The following RARB variants were observed in gnomAD, a reference collection of about 807,000 sequenced individuals.
RARB encodes the protein retinoic acid receptor beta, also known as HBV-activated protein.
Under a neutral mutation model 51.9 loss-of-function variants are expected in RARB, and 17 were observed. The ratio of observed to expected loss-of-function variants is 0.33; its 90% CI spans 0.22 to 0.49. RARB has a LOEUF of 0.49. RARB is among the 20% of genes least tolerant of loss of function. The pLI is 0.99. For missense variants in RARB, 369 were observed against 550.8 expected (o/e 0.67, Z 3.30); for synonymous variants, 215 against 195.4 (o/e 1.10, Z -0.84).
chr3:25,467,240 G>A (rs116025029), intron 2 of RARB, among the ~76,000 whole-genome samples: 3,547 of 152,340 alleles, frequency 0.023, 142 homozygotes, highest in African/African-American at 0.08. Flanking sequence ...TGTTGTATCA[G>A]TTAGCTTCTT....
rs553135452 is a variant in RARB, at chr3:25,189,791, AGGAGAATTGGTT to A, written c.178+15218_178+15229del. Among the ~76,000 whole-genome samples the A allele has an allele frequency of 1.6e-4, 25 of 152,226 alleles. 1 individual carries two copies. The South Asian group carries it at 3.7e-3, about 23-fold the overall frequency. ...TCGCAGATACTCAGGAGGCTGAGGC[AGGAGAATTGGTT>A]GAACCCGGGAAGTAGAGTTTGCAGT... On this transcript the variant is annotated intron_variant, in intron 5 of 11. Coordinates refer to the RARB transcript ENST00000383772.
At chr3:25,446,175 T>C (rs1432602296) in intron 1 of RARB, among the ~76,000 whole-genome samples, 1 of 152,246 alleles carries the variant, frequency 6.6e-6, no homozygotes, top group Non-Finnish European at 1.5e-5. Flanking sequence ...CTTTAAAATA[T>C]TACCCACGTC....
At chr3:25,132,475 G>C (rs1699969026) in intron 4 of RARB, among the ~76,000 whole-genome samples, 1 of 151,826 alleles carries the variant, frequency 6.6e-6, no homozygotes, top group South Asian at 2.1e-4. Flanking sequence ...GCAGGAGCTA[G>C]AATCCTTATT....
At chr3:25,084,206 C>T (rs1699062863) in intron 3 of RARB, among the ~76,000 whole-genome samples, 2 of 152,174 alleles carry the variant, frequency 1.3e-5, no homozygotes, top group Admixed American at 1.3e-4. Context: ...AGGGAATCTG[C>T]TGCTTCCTGT....
chr3:25,084,283 T>C (rs566795855), intron 3 of RARB, among the ~76,000 whole-genome samples: 15 of 152,302 alleles, frequency 9.8e-5, no homozygotes, highest in East Asian at 9.6e-4. Context: ...CTCTCATGTG[T>C]TTCCCTTTCC....
chr3:24,907,784 G>T (rs1694897621), intron 2 of RARB, among the ~76,000 whole-genome samples: 2 of 151,836 alleles, frequency 1.3e-5, no homozygotes, highest in Non-Finnish European at 2.9e-5. Flanking sequence ...AAGCTAAACA[G>T]ATTTGTTTTT....
intron 5 of RARB, among the ~76,000 whole-genome samples, chr3:25,342,734 G>T (rs1476344282): frequency 6.6e-6 from 1 of 152,132 alleles, no homozygotes; most frequent in Admixed American, 6.5e-5. Context: ...ACATTTTTCT[G>T]CCTTGGTAGC....
chr3:25,004,289 A>C (rs1430023980), intron 2 of RARB, among the ~76,000 whole-genome samples: 1 of 152,196 alleles, frequency 6.6e-6, no homozygotes, highest in Admixed American at 6.6e-5. Flanking sequence ...GAGAAAAATC[A>C]AATAGGATTT....
intron 5 of RARB, among the ~76,000 whole-genome samples, chr3:25,312,992 AG>A (rs1311859754): frequency 6.6e-6 from 1 of 152,204 alleles, no homozygotes; most frequent in Non-Finnish European, 1.5e-5. Flanking sequence ...TGTGTCTTCA[AG>A]TCTGGAGGCA....
chr3:25,112,842 C>T (rs1216105614), intron 3 of RARB, among the ~76,000 whole-genome samples: 2 of 152,058 alleles, frequency 1.3e-5, no homozygotes, highest in Non-Finnish European at 2.9e-5. Flanking sequence ...ATTCGATATT[C>T]TATTTTGAGG....
intron 5 of RARB, among the ~76,000 whole-genome samples, chr3:25,344,583 A>G (rs1262297752): frequency 1.3e-5 from 2 of 152,200 alleles, no homozygotes; most frequent in African/African-American, 4.8e-5. Flanking sequence ...AGACAAACAC[A>G]TGTTTTTTCC....
chr3:24,923,018 C>T (rs1272276331), intron 2 of RARB, among the ~76,000 whole-genome samples: 1 of 152,070 alleles, frequency 6.6e-6, no homozygotes, highest in Admixed American at 6.6e-5. Flanking sequence ...ATTTGTATCC[C>T]ACCAACTTCC....
chr3:25,180,547 C>G (rs936571123), intron 5 of RARB, among the ~76,000 whole-genome samples: 1 of 152,186 alleles, frequency 6.6e-6, no homozygotes, highest in African/African-American at 2.4e-5. Context: ...AGATTAGCCT[C>G]CATGCAGGTA....
chr3:24,974,084 G>A (rs1301805973), intron 2 of RARB, among the ~76,000 whole-genome samples: 1 of 151,920 alleles, frequency 6.6e-6, no homozygotes, highest in African/African-American at 2.4e-5. Context: ...GGTGGCTGTA[G>A]GTTTGTCATA....
intron 2 of RARB, among the ~76,000 whole-genome samples, chr3:25,464,445 C>T (rs894980478): frequency 6.6e-6 from 1 of 152,094 alleles, no homozygotes; most frequent in African/African-American, 2.4e-5. Flanking sequence ...TTTAACAGAG[C>T]TATAAACCCA....
At chr3:25,034,044 T>A (rs1011507849) in intron 2 of RARB, among the ~76,000 whole-genome samples, 1 of 152,202 alleles carries the variant, frequency 6.6e-6, no homozygotes, top group Admixed American at 6.5e-5. Flanking sequence ...TGAGCCTGTG[T>A]TGCTCTGAGG....
chr3:24,965,935 T>G (rs1696243935), intron 2 of RARB, among the ~76,000 whole-genome samples: 1 of 152,174 alleles, frequency 6.6e-6, no homozygotes, highest in Non-Finnish European at 1.5e-5. Context: ...AACGTGGTAT[T>G]AGTGTTACAT....
chr3:24,844,808 C>G (rs1394048374), intron 1 of RARB, among the ~76,000 whole-genome samples: 1 of 152,166 alleles, frequency 6.6e-6, no homozygotes, highest in African/African-American at 2.4e-5. Flanking sequence ...AGGGAGTTAG[C>G]ACTCTCACCC....
chr3:25,159,537 G>A (rs1424466776), intron 4 of RARB, among the ~76,000 whole-genome samples: 3 of 152,032 alleles, frequency 2.0e-5, no homozygotes. Context: ...TACTATGACT[G>A]TCTGGAAGGA....
Sources: gnomAD v4.1 joint callset for allele counts (sites outside exome capture counted in the v4.1 genomes callset) on GRCh38, gnomAD v4.1.1 for gene constraint, MANE v1.5 for transcripts, NCBI Gene and HGNC (gene_info 2026-07-23, HGNC 2026-07-21) for gene names.